ANTXR2: variants seen among roughly 807,000 people sequenced by gnomAD.
ANTXR2 encodes ANTXR cell adhesion molecule 2.
A neutral mutation model predicts 73.7 loss-of-function variants in ANTXR2; 44 were observed. That is an observed-to-expected ratio of 0.60 (90% confidence interval 0.47 to 0.77). The LOEUF (loss-of-function observed/expected upper bound fraction) is 0.77, where lower values mean the gene tolerates loss of function less well. ANTXR2 is among the 30% of genes least tolerant of loss of function. The pLI, the probability that ANTXR2 is intolerant of heterozygous loss-of-function variation, is 0.00. For missense variants in ANTXR2, 604 were observed against 592.5 expected, an observed-to-expected ratio of 1.02 and a Z score of -0.20; for synonymous variants, 217 against 205.9, an observed-to-expected ratio of 1.05 and a Z score of -0.46.
chr4:80,042,616 T>C (rs1226585361), intron 7 of ANTXR2, among the ~76,000 whole-genome samples: 2 of 152,070 alleles, frequency 1.3e-5, no homozygotes, highest in African/African-American at 4.8e-5. Context: ...CCTATTCTTA[T>C]CTCATGAACT....
intron 16 of ANTXR2, among the ~76,000 whole-genome samples, chr4:79,950,166 G>A (rs1482209554): frequency 6.6e-6 from 1 of 152,058 alleles, no homozygotes; most frequent in Non-Finnish European, 1.5e-5. Flanking sequence ...TAAAAAAGTT[G>A]AAGAAATACA....
intron 13 of ANTXR2, among the ~76,000 whole-genome samples, chr4:79,984,565 T>C (rs1730025829): frequency 6.6e-6 from 1 of 152,194 alleles, no homozygotes; most frequent in South Asian, 2.1e-4. Context: ...TATAGTACTA[T>C]AAAAGTATAT....
intron 3 of ANTXR2, among the ~76,000 whole-genome samples, chr4:80,068,583 A>AT (rs1449249144): frequency 4.6e-5 from 7 of 152,230 alleles, no homozygotes; most frequent in Admixed American, 4.6e-4. Flanking sequence ...AACCTGGCCA[A>AT]TACAGTGAAA....
intron 3 of ANTXR2, among the ~76,000 whole-genome samples, chr4:80,059,233 G>A (rs1450875153): frequency 1.3e-5 from 2 of 151,852 alleles, no homozygotes; most frequent in African/African-American, 4.8e-5. Context: ...TTATATTAAA[G>A]CCCTGGTTTT....
intron 11 of ANTXR2, among the ~76,000 whole-genome samples, chr4:80,011,688 C>A (rs949835108): frequency 1.3e-5 from 2 of 152,088 alleles, no homozygotes. Context: ...TATCTGATTA[C>A]GGGACTGAAT....
intron 16 of ANTXR2, among the ~76,000 whole-genome samples, chr4:79,936,219 T>A (rs1034730967): frequency 6.6e-6 from 1 of 152,226 alleles, no homozygotes; most frequent in Non-Finnish European, 1.5e-5. Flanking sequence ...ACACAAGTAC[T>A]ACAAATGATA....
intron 11 of ANTXR2, among the ~76,000 whole-genome samples, chr4:80,014,306 C>G (rs1035678957): frequency 1.3e-5 from 2 of 152,084 alleles, no homozygotes; most frequent in Non-Finnish European, 2.9e-5. Context: ...AGGTGGCTCA[C>G]GCCTGTAATC....
intron 16 of ANTXR2, among the ~76,000 whole-genome samples, chr4:79,975,635 T>C (rs1729592579): frequency 6.6e-6 from 1 of 152,128 alleles, no homozygotes; most frequent in African/African-American, 2.4e-5. Context: ...ACCTGGGGAA[T>C]AAAAACTAAG....
intron 11 of ANTXR2, among the ~76,000 whole-genome samples, chr4:80,008,946 T>A (rs1240825098): frequency 6.6e-6 from 1 of 152,214 alleles, no homozygotes; most frequent in African/African-American, 2.4e-5. Flanking sequence ...GTAAGGATTA[T>A]TTTGGTTCAA....
chr4:80,066,846 C>T (rs987858705), intron 3 of ANTXR2, among the ~76,000 whole-genome samples: 2 of 152,142 alleles, frequency 1.3e-5, no homozygotes, highest in Non-Finnish European at 2.9e-5. Flanking sequence ...AGGATTTACA[C>T]GCAGGTAGAT....
chr4:80,069,006 G>T (rs1276582518), intron 3 of ANTXR2, among the ~76,000 whole-genome samples: 1 of 152,010 alleles, frequency 6.6e-6, no homozygotes, highest in Admixed American at 6.5e-5. Context: ...AGCATTAATG[G>T]ACCTCAGAGA....
At chr4:80,015,208 A>G (rs1731781215) in intron 11 of ANTXR2, among the ~76,000 whole-genome samples, 2 of 152,100 alleles carry the variant, frequency 1.3e-5, no homozygotes, top group South Asian at 4.1e-4. Context: ...CTTACACAAC[A>G]TGTCTACAAT....
rs147009667 is a variant in ANTXR2 at position 79,933,032 on chromosome 4, AC to A, written c.1429-25566del. 1.3e-3 allele frequency among the ~76,000 whole-genome samples: 191 copies of A among 152,010 alleles called. 2 individuals are homozygous for A. Among genetic ancestry groups the A allele is most frequent in the African/African-American group, 4.4e-3 (184 of 41,452 alleles). Reference sequence around the variant, plus strand: ...GCCTATTTATTTTCTCCTTAACAATACCCCCACTTAAAATAAAAGTAATCCT... The same window carrying A: ...GCCTATTTATTTTCTCCTTAACAATACCCCACTTAAAATAAAAGTAATCCT... On this transcript the variant is annotated intron_variant, in intron 16 of 16. Coordinates refer to ENST00000403729, the MANE Select transcript of ANTXR2 (RefSeq NM_058172.6).
intron 16 of ANTXR2, among the ~76,000 whole-genome samples, chr4:79,947,333 C>G (rs1728552749): frequency 6.6e-6 from 1 of 152,044 alleles, no homozygotes; most frequent in Non-Finnish European, 1.5e-5. Context: ...CATGTTAGTT[C>G]AGTGAGGTAA....
At chr4:79,910,618 T>C (rs1445419053) in intron 16 of ANTXR2, among the ~76,000 whole-genome samples, 3 of 151,764 alleles carry the variant, frequency 2.0e-5, no homozygotes, top group Admixed American at 1.3e-4. Context: ...AAGTCTAACA[T>C]AGAGCAGACT....
At chr4:80,022,517 A>G (rs1489366160) in intron 10 of ANTXR2, among the ~76,000 whole-genome samples, 1 of 152,216 alleles carries the variant, frequency 6.6e-6, no homozygotes, top group African/African-American at 2.4e-5. Flanking sequence ...AATGCAAACC[A>G]AATTCGGTAA....
intron 16 of ANTXR2, among the ~76,000 whole-genome samples, chr4:79,921,484 T>G (rs1727585811): frequency 6.6e-6 from 1 of 152,028 alleles, no homozygotes; most frequent in South Asian, 2.1e-4. Flanking sequence ...TGTCCATAGC[T>G]CTTTGGGTCA....
At chr4:79,908,050 A>G (rs6534643) in intron 16 of ANTXR2, among the ~76,000 whole-genome samples, 87,251 of 152,098 alleles carry the variant, frequency 0.57, 25,357 homozygotes, top group Non-Finnish European at 0.61. Flanking sequence ...ACATTTCTAA[A>G]GAGGATTTGC....
intron 8 of ANTXR2, among the ~76,000 whole-genome samples, chr4:80,035,548 C>T (rs996181558): frequency 2.6e-5 from 4 of 152,100 alleles, no homozygotes; most frequent in Admixed American, 1.3e-4. Context: ...TTCCTTCCTG[C>T]AATCCGTCCA....
Sources: allele counts gnomAD v4.1 joint callset (sites outside exome capture counted in the v4.1 genomes callset), GRCh38; gene constraint gnomAD v4.1.1; transcripts MANE v1.5; gene names NCBI Gene and HGNC (gene_info 2026-07-23, HGNC 2026-07-21).